INPP4B: variants seen among roughly 807,000 people sequenced by gnomAD.
INPP4B encodes inositol polyphosphate-4-phosphatase type II B, also known as inositol polyphosphate 4-phosphatase type II.
INPP4B carries 55 observed loss-of-function variants against 122.5 expected under a neutral mutation model. The ratio of observed to expected loss-of-function variants is 0.45; its 90% CI spans 0.36 to 0.56. The LOEUF is 0.56. Among genes scored for constraint, INPP4B ranks in the 20% least tolerant of loss-of-function variants. INPP4B has a pLI of 0.00. For missense variants in INPP4B, 1,000 were observed against 1,097.7 expected, an observed-to-expected ratio of 0.91 and a Z score of 1.26; for synonymous variants, 403 against 388.7, an observed-to-expected ratio of 1.04 and a Z score of -0.43.
chr4:142,676,977 C>T (rs1757906372), intron 2 of INPP4B, among the ~76,000 whole-genome samples: 1 of 151,984 alleles, frequency 6.6e-6, no homozygotes, highest in Non-Finnish European at 1.5e-5. Flanking sequence ...GCAACAAACG[C>T]CAATATTGAC....
At chr4:142,254,088 G>A (rs181022790) in intron 11 of INPP4B, among the ~76,000 whole-genome samples, 7 of 152,078 alleles carry the variant, frequency 4.6e-5, no homozygotes, top group African/African-American at 1.7e-4. Flanking sequence ...CCCCCCAGCA[G>A]GGGCAGACTG....
At chr4:142,782,906 A>G (rs1775110858) in intron 1 of INPP4B, among the ~76,000 whole-genome samples, 1 of 152,148 alleles carries the variant, frequency 6.6e-6, no homozygotes, top group African/African-American at 2.4e-5. Flanking sequence ...AAAAACAAGC[A>G]ATGGGGAAAG....
intron 11 of INPP4B, among the ~76,000 whole-genome samples, chr4:142,242,379 A>G (rs1177529858): frequency 6.6e-6 from 1 of 152,220 alleles, no homozygotes; most frequent in African/African-American, 2.4e-5. Context: ...AAGAAAAACT[A>G]TTGCAGATGT....
At chr4:142,764,827 CG>C (rs1016570428) in intron 1 of INPP4B, among the ~76,000 whole-genome samples, 22 of 151,692 alleles carry the variant, frequency 1.5e-4, no homozygotes, top group Non-Finnish European at 7.4e-5. Flanking sequence ...TGCTAGAACA[CG>C]GAGGTTAAGG....
chr4:142,813,885 G>A (rs879042592), intron 1 of INPP4B, among the ~76,000 whole-genome samples: 1 of 152,076 alleles, frequency 6.6e-6, no homozygotes, highest in South Asian at 2.1e-4. Flanking sequence ...AGTGTCAACT[G>A]CTTTAAAAGT....
chr4:142,214,320 G>A (rs976737378), intron 12 of INPP4B, among the ~76,000 whole-genome samples: 13 of 152,138 alleles, frequency 8.5e-5, no homozygotes, highest in African/African-American at 2.9e-4. Flanking sequence ...TAGCAGAGTT[G>A]TTTCTCACCA....
At chr4:142,247,712 T>C (rs2150134744) in intron 11 of INPP4B, among the ~76,000 whole-genome samples, 1 of 152,302 alleles carries the variant, frequency 6.6e-6, no homozygotes, top group Non-Finnish European at 1.5e-5. Context: ...TGGTGGTCCA[T>C]CTATTTTGTT....
At chr4:142,164,787 C>T (rs1821892787) in intron 16 of INPP4B, among the ~76,000 whole-genome samples, 1 of 151,518 alleles carries the variant, frequency 6.6e-6, no homozygotes. Context: ...CAGGGTCTCA[C>T]TATGTTGCCT....
At chr4:142,251,171 T>C (rs1294075398) in intron 11 of INPP4B, among the ~76,000 whole-genome samples, 1 of 152,188 alleles carries the variant, frequency 6.6e-6, no homozygotes, top group East Asian at 1.9e-4. Context: ...TTGAAATTTA[T>C]ACTTAACCAA....
chr4:142,247,878 T>C (rs1729716624), intron 11 of INPP4B, among the ~76,000 whole-genome samples: 1 of 152,174 alleles, frequency 6.6e-6, no homozygotes, highest in Non-Finnish European at 1.5e-5. Context: ...TGAAAATCTT[T>C]CTCAAAGAAA....
At chr4:142,367,483 A>G (rs1787995810) in intron 7 of INPP4B, among the ~76,000 whole-genome samples, 1 of 152,054 alleles carries the variant, frequency 6.6e-6, no homozygotes, top group South Asian at 2.1e-4. Flanking sequence ...CTTTATTAAT[A>G]TGTTTTACTA....
At chr4:142,773,287 G>A (rs1010720897) in intron 1 of INPP4B, among the ~76,000 whole-genome samples, 2 of 151,990 alleles carry the variant, frequency 1.3e-5, no homozygotes, top group African/African-American at 2.4e-5. Context: ...TCCAAAGGTT[G>A]GTATCTTCTA....
In INPP4B at chr4:142,435,807, C is replaced by A. The variant is rs1019125898; in HGVS notation, c.-126-4422G>T. 4.6e-5 allele frequency among the ~76,000 whole-genome samples: 7 copies of A among 152,312 alleles called. No homozygotes were observed. The East Asian group carries it at 1.4e-3, about 30-fold the overall frequency. ...GGAAGTTCCCACTCATGAACCCATG[C>A]CACTGGGGCCTAGGGTCCCAACCAC... On this transcript the variant is annotated intron_variant, in intron 3 of 25. Transcript: ENST00000262992.
At chr4:142,721,266 G>A (rs1764623696) in intron 2 of INPP4B, among the ~76,000 whole-genome samples, 1 of 152,046 alleles carries the variant, frequency 6.6e-6, no homozygotes, top group Non-Finnish European at 1.5e-5. Context: ...AAATAACCAT[G>A]ACCCTACTCC....
At chr4:142,678,502 A>G (rs1344356411) in intron 2 of INPP4B, among the ~76,000 whole-genome samples, 1 of 151,764 alleles carries the variant, frequency 6.6e-6, no homozygotes, top group Non-Finnish European at 1.5e-5. Context: ...TACTTATTTT[A>G]CAAATTTAGA....
At chr4:142,639,593 T>C (rs558517745) in intron 2 of INPP4B, among the ~76,000 whole-genome samples, 68 of 152,182 alleles carry the variant, frequency 4.5e-4, no homozygotes, top group Non-Finnish European at 8.2e-4. Context: ...GAGCACTTTT[T>C]TTTTGACAAA....
chr4:142,439,566 T>C (rs935933897), intron 3 of INPP4B, among the ~76,000 whole-genome samples: 20 of 152,370 alleles, frequency 1.3e-4, no homozygotes, highest in Admixed American at 1.3e-3. Context: ...TTATTTGGGC[T>C]GATTCTTGAC....
At chr4:142,203,048 G>A (rs761013306) in intron 14 of INPP4B, among the ~76,000 whole-genome samples, 2 of 152,030 alleles carry the variant, frequency 1.3e-5, no homozygotes, top group Non-Finnish European at 2.9e-5. Flanking sequence ...AATCCCCAAA[G>A]AGAATCCACG....
chr4:142,024,554 G>C lies in INPP4B; in HGVS notation c.*4228C>G, dbSNP rs1736440911. On this transcript the variant is annotated 3_prime_UTR_variant, in exon 26 of 26. Transcript: ENST00000262992. ...TATTTCCTAAAAGACTACAAATGGTGCCTCATATATTGAACCAAACAAATG... is the reference window on the plus strand; with the variant it reads ...TATTTCCTAAAAGACTACAAATGGTCCCTCATATATTGAACCAAACAAATG... 2 of 152,146 alleles carry C rather than the reference G, an allele frequency of 1.3e-5. No individual in the cohort carries two copies. Among genetic ancestry groups the C allele is most frequent in the Admixed American group, 1.3e-4 (2 of 15,266 alleles). The allele number at this position is 152,146 out of a possible 1,614,324, so 9.4% of individuals were successfully genotyped here.
Sources: gnomAD v4.1 joint callset for allele counts (sites outside exome capture counted in the v4.1 genomes callset) on GRCh38, gnomAD v4.1.1 for gene constraint, MANE v1.5 for transcripts, NCBI Gene and HGNC (gene_info 2026-07-23, HGNC 2026-07-21) for gene names.